The following CNNM2 variants were observed in gnomAD, a reference collection of about 807,000 sequenced individuals.
CNNM2 encodes cyclin and CBS domain divalent metal cation transport mediator 2, also known as metal transporter CNNM2.
Under a neutral mutation model 66.9 loss-of-function variants are expected in CNNM2, and 12 were observed. The ratio of observed to expected loss-of-function variants is 0.18; its 90% CI spans 0.11 to 0.29. The LOEUF (loss-of-function observed/expected upper bound fraction) is 0.29. CNNM2 is among the 10% of genes least tolerant of loss of function. The pLI is 1.00. For missense variants in CNNM2, 705 were observed against 1,167.7 expected (o/e 0.60, Z 5.77); for synonymous variants, 557 against 501.8 (o/e 1.11, Z -1.47).
intron 1 of CNNM2, among the ~76,000 whole-genome samples, chr10:102,988,032 C>T (rs1472181019): frequency 6.6e-6 from 1 of 152,170 alleles, no homozygotes; most frequent in Non-Finnish European, 1.5e-5. Context: ...GGCATGGTGG[C>T]TCATGCCTGT....
At chr10:102,963,479 GTT>G (rs1296081566) in intron 1 of CNNM2, among the ~76,000 whole-genome samples, 1 of 152,140 alleles carries the variant, frequency 6.6e-6, no homozygotes, top group South Asian at 2.1e-4. Flanking sequence ...ATTTTTCTGT[GTT>G]TTCACCAGAG....
At chr10:102,937,786 CT>C (rs5787477) in intron 1 of CNNM2, among the ~76,000 whole-genome samples, 61,143 of 148,956 alleles carry the variant, frequency 0.41, 12,581 homozygotes, top group East Asian at 0.56. Flanking sequence ...ATACAGAAAC[CT>C]TTTTTTTTTC....
intron 1 of CNNM2, among the ~76,000 whole-genome samples, chr10:103,034,972 CAAA>C (rs71019651): frequency 4.2e-5 from 3 of 71,112 alleles, no homozygotes; most frequent in African/African-American, 1.2e-4. Context: ...GACTCCGTCT[CAAA>C]AAAAAAAAAA....
intron 1 of CNNM2, among the ~76,000 whole-genome samples, chr10:102,960,304 G>C (rs997916235): frequency 6.6e-6 from 1 of 152,134 alleles, no homozygotes; most frequent in South Asian, 2.1e-4. Flanking sequence ...TGTGCATACT[G>C]TTGTACACTG....
intron 1 of CNNM2, among the ~76,000 whole-genome samples, chr10:103,036,225 G>T (rs1012445027): frequency 6.6e-6 from 1 of 152,120 alleles, no homozygotes; most frequent in African/African-American, 2.4e-5. Flanking sequence ...AAATTGATAG[G>T]ACAGGTCATT....
At position 103,087,487 on chromosome 10, in the gene CNNM2, T is replaced by G. The variant is rs1409774976; in HGVS notation, c.*10307T>G. On this transcript the variant is annotated 3_prime_UTR_variant, in exon 8 of 8. Coordinates refer to ENST00000369878, the MANE Select transcript of CNNM2 (RefSeq NM_017649.5). ...CAGAGAATCATTTGCCATGGAATCATCTGGCTAGTAAGACACTCTTATATG... is the reference window on the plus strand; with the variant it reads ...CAGAGAATCATTTGCCATGGAATCAGCTGGCTAGTAAGACACTCTTATATG... 3.3e-5 allele frequency: 5 copies of G among 152,264 alleles called. No homozygotes were observed. The highest frequency in any genetic ancestry group is 4.2e-4 in the South Asian group (2 of 4,812). 9.4% of individuals were successfully genotyped at this position (152,264 alleles called of 1,614,324 possible).
At chr10:102,994,941 A>G (rs1200370881) in intron 1 of CNNM2, among the ~76,000 whole-genome samples, 1 of 152,124 alleles carries the variant, frequency 6.6e-6, no homozygotes, top group Admixed American at 6.5e-5. Flanking sequence ...AGAGCAGACG[A>G]CCTACAAAGA....
intron 1 of CNNM2, among the ~76,000 whole-genome samples, chr10:102,951,549 A>G: frequency 6.6e-6 from 1 of 151,712 alleles, no homozygotes; most frequent in East Asian, 1.9e-4. Context: ...GCACGCTTGC[A>G]TGCTTTTAAG....
At chr10:103,034,436 T>A (rs577380647) in intron 1 of CNNM2, among the ~76,000 whole-genome samples, 41 of 152,266 alleles carry the variant, frequency 2.7e-4, no homozygotes, top group African/African-American at 9.4e-4. Flanking sequence ...GCAGCAAATG[T>A]ACGGTGTGGT....
Position 103,087,740 on chromosome 10 carries a change from G to A in CNNM2, c.*10560G>A, listed in dbSNP as rs1431332003. 2 of 152,074 alleles carry A rather than the reference G, an allele frequency of 1.3e-5. No individual in the cohort carries two copies. Among genetic ancestry groups the A allele is most frequent in the African/African-American group, 4.8e-5 (2 of 41,416 alleles). The allele number at this position is 152,074 out of a possible 1,614,324, so 9.4% of individuals were successfully genotyped here. A position where few individuals can be genotyped will look rare whatever the true frequency, so the allele number is the denominator to read the frequency against. ...GGATGACCACACATTCTCCTAACAC[G>A]GGCAACAGTCTAGTCTAATTGTTAT... On this transcript the variant is annotated 3_prime_UTR_variant, in exon 8 of 8. Transcript: ENST00000369878.
At chr10:102,975,231 C>T (rs970296113) in intron 1 of CNNM2, among the ~76,000 whole-genome samples, 14 of 152,134 alleles carry the variant, frequency 9.2e-5, no homozygotes, top group African/African-American at 3.4e-4. Context: ...AACAAGTGTT[C>T]ACTTTTCCTC....
Position 103,088,806 on chromosome 10 carries a change from A to G in CNNM2, c.*11626A>G, listed in dbSNP as rs920616270. 6 of 188,504 alleles carry G rather than the reference A, an allele frequency of 3.2e-5. No individual in the cohort carries two copies. The highest frequency in any genetic ancestry group is 1.2e-4 in the African/African-American group (5 of 42,944). The allele number at this position is 188,504 out of a possible 1,614,324, so 11.7% of individuals were successfully genotyped here. On this transcript the variant is annotated 3_prime_UTR_variant, in exon 8 of 8. Transcript: ENST00000369878. The stretch of plus-strand genomic sequence containing the variant: ...TGTTCAATTTTAATATACAGCAATC[A>G]ACTCTTAGAGGACAAAGAAATCTGG...
rs553421705 is a variant in CNNM2 at position 102,920,382 on chromosome 10, T to A, written c.1621+281T>A. ...CTGTGCATGACACTTATTTATTTTTTTTTTTTTGGTCCCGTGTGTGGGCCT... is the reference window on the plus strand; with the variant it reads ...CTGTGCATGACACTTATTTATTTTTATTTTTTTGGTCCCGTGTGTGGGCCT... On this transcript the variant is annotated intron_variant, in intron 1 of 7. Coordinates refer to ENST00000369878, the MANE Select transcript of CNNM2 (RefSeq NM_017649.5). Among the ~76,000 whole-genome samples the A allele has an allele frequency of 8.1e-4, 123 of 152,298 alleles. 1 individual carries two copies. Among genetic ancestry groups the A allele is most frequent in the African/African-American group, 2.7e-3 (112 of 41,562 alleles).
At chr10:102,933,787 G>A (rs1846138110) in intron 1 of CNNM2, among the ~76,000 whole-genome samples, 1 of 152,046 alleles carries the variant, frequency 6.6e-6, no homozygotes, top group Non-Finnish European at 1.5e-5. Context: ...ATTAGTCCAG[G>A]AAGAAACGGA....
At chr10:102,942,963 G>A (rs1436828302) in intron 1 of CNNM2, among the ~76,000 whole-genome samples, 5 of 152,102 alleles carry the variant, frequency 3.3e-5, no homozygotes, top group South Asian at 2.1e-4. Context: ...GCTGGTTCAC[G>A]CCTGTGATCC....
intron 1 of CNNM2, among the ~76,000 whole-genome samples, chr10:102,956,256 C>T (rs1222307818): frequency 7.0e-6 from 1 of 143,134 alleles, no homozygotes; most frequent in Non-Finnish European, 1.5e-5. Flanking sequence ...CCACTTCACT[C>T]CAGCCTGGGC....
At chr10:103,013,805 A>G (rs776413399) in intron 1 of CNNM2, among the ~76,000 whole-genome samples, 2 of 152,236 alleles carry the variant, frequency 1.3e-5, no homozygotes, top group African/African-American at 4.8e-5. Context: ...GAAACAAGTT[A>G]TGGTGACTGG....
At chr10:102,970,232 T>C (rs908820845) in intron 1 of CNNM2, among the ~76,000 whole-genome samples, 5 of 152,148 alleles carry the variant, frequency 3.3e-5, no homozygotes, top group African/African-American at 7.2e-5. Flanking sequence ...GGGAGGATTG[T>C]TTGAGCTGAG....
At chr10:102,927,377 C>T in intron 1 of CNNM2, 1 of 1,613,866 alleles carries the variant, frequency 6.2e-7, no homozygotes, top group Non-Finnish European at 8.5e-7. Context: ...ATCATACCAA[C>T]ACTGAAAAGA....
Sources: gnomAD v4.1 joint callset for allele counts (sites outside exome capture counted in the v4.1 genomes callset) on GRCh38, gnomAD v4.1.1 for gene constraint, MANE v1.5 for transcripts, NCBI Gene and HGNC (gene_info 2026-07-23, HGNC 2026-07-21) for gene names.